MYPN: variants seen among roughly 807,000 people sequenced by gnomAD.
MYPN encodes myopalladin.
A neutral mutation model predicts 129.4 loss-of-function variants in MYPN; 63 were observed. The ratio of observed to expected loss-of-function variants is 0.49; its 90% CI spans 0.40 to 0.60. The LOEUF is 0.60. Ranked by LOEUF, MYPN falls within the 20% of genes least tolerant of loss-of-function variation. The pLI is 0.00. For missense variants in MYPN, 1,596 were observed against 1,635.4 expected (o/e 0.98, Z 0.42); for synonymous variants, 629 against 600.9 (o/e 1.05, Z -0.68).
intron 12 of MYPN, among the ~76,000 whole-genome samples, chr10:68,179,627 C>T (rs1351659278): frequency 6.6e-6 from 1 of 152,164 alleles, no homozygotes; most frequent in Non-Finnish European, 1.5e-5. Context: ...ACTATGGTAA[C>T]AATCCAACTT....
chr10:68,124,008 A>G (rs1007605881), intron 2 of MYPN, among the ~76,000 whole-genome samples: 2 of 152,224 alleles, frequency 1.3e-5, no homozygotes, highest in Non-Finnish European at 2.9e-5. Flanking sequence ...CATGAAAGCT[A>G]TGACTGATGG....
In MYPN at chr10:68,165,458, C is replaced by CA. The variant is rs58020575; in HGVS notation, c.1484-237dup. On this transcript the variant is annotated intron_variant, in intron 8 of 19. Coordinates refer to ENST00000358913, the MANE Select transcript of MYPN (RefSeq NM_032578.4). ...CAGAGCGAGACTCCACCTAAAAAAACAAAAAAATCCCCTTGTCAGTACTTG... is the reference window on the plus strand; with the variant it reads ...CAGAGCGAGACTCCACCTAAAAAAACAAAAAAAATCCCCTTGTCAGTACTTG... 8.8e-4 allele frequency: 499 copies of CA among 566,992 alleles called. 4 individuals are homozygous for CA. The highest frequency in any genetic ancestry group is 8.4e-3 in the African/African-American group (451 of 53,754). The allele number at this position is 566,992 out of a possible 1,614,324, so 35.1% of individuals were successfully genotyped here.
chr10:68,185,554 C>A (rs754550392), intron 12 of MYPN, among the ~76,000 whole-genome samples: 3 of 152,052 alleles, frequency 2.0e-5, no homozygotes, highest in Non-Finnish European at 2.9e-5. Context: ...CACCAATGAT[C>A]ACAGAGCCTG....
Position 68,122,331 on chromosome 10 carries a change from C to CTCA in MYPN, c.894_896dup (p.Pro298_Gln299insHis). 6.2e-7 allele frequency: 1 copy of CTCA among 1,613,314 alleles called. No individual in the cohort carries two copies. Among genetic ancestry groups the CTCA allele is most frequent in the Non-Finnish European group, 8.5e-7 (1 of 1,179,964 alleles). On this transcript the variant is annotated inframe_insertion, in exon 2 of 20. Coordinates refer to ENST00000358913, the MANE Select transcript of MYPN (RefSeq NM_032578.4). ...TGCATAGTGGTAGGAATTCCACCAC[C>CTCA]TCAAGTAAGGTAAAAATGTCCCATT... is the stretch of plus-strand genomic sequence containing the variant.
At chr10:68,173,848 T>TTTTG (rs1554846698) in intron 10 of MYPN, among the ~76,000 whole-genome samples, 1 of 135,316 alleles carries the variant, frequency 7.4e-6, no homozygotes, top group Non-Finnish European at 1.6e-5. Flanking sequence ...TTTTTTTTTG[T>TTTTG]TAGAGACGGG....
chr10:68,095,127 T>C (rs1265656020), intron 1 of MYPN, among the ~76,000 whole-genome samples: 2 of 152,048 alleles, frequency 1.3e-5, no homozygotes, highest in East Asian at 1.9e-4. Flanking sequence ...ATGGATTGCT[T>C]GAGCTCAGGA....
intron 14 of MYPN, 86 bp from the exon 15 acceptor site, chr10:68,195,364 C>A: frequency 8.2e-7 from 1 of 1,219,034 alleles, no homozygotes; most frequent in Non-Finnish European, 1.2e-6. Context: ...CAAAATTTCA[C>A]GGTGTTCTGG....
In MYPN at chr10:68,091,651, C is replaced by A. The variant is rs1048559665; in HGVS notation, c.-2+3659C>A. On this transcript the variant is annotated intron_variant, in intron 1 of 6. Coordinates refer to the MYPN transcript ENST00000685154. ...CTCAAGTGATCTGCCCCCACTTAGCCTCCCAAAGTGCTGGGATTATAGGCA... is the reference window on the plus strand; with the variant it reads ...CTCAAGTGATCTGCCCCCACTTAGCATCCCAAAGTGCTGGGATTATAGGCA... Among the ~76,000 whole-genome samples, 28 of 151,774 alleles carry A rather than the reference C, an allele frequency of 1.8e-4. 1 individual carries two copies. Among genetic ancestry groups the A allele is most frequent in the African/African-American group, 6.3e-4 (26 of 41,290 alleles).
At position 68,121,773 on chromosome 10, in the gene MYPN, G is replaced by GT; in HGVS notation, c.339dup (p.Glu114Ter). 1 of 1,614,184 alleles carries GT rather than the reference G, an allele frequency of 6.2e-7. No homozygotes were observed. The highest frequency in any genetic ancestry group is 1.1e-5 in the South Asian group (1 of 91,086). On this transcript the variant is annotated frameshift_variant, in exon 2 of 20. Coordinates refer to ENST00000358913, the MANE Select transcript of MYPN (RefSeq NM_032578.4). LOFTEE classifies it high-confidence loss of function. ...CAGATGAAACACTCACCTAATTTAA[G>GT]TTTTGAGCCTAACTTCTGCCAGGAT... is the stretch of plus-strand genomic sequence containing the variant.
chr10:68,113,736 C>T (rs1042531383), intron 1 of MYPN, among the ~76,000 whole-genome samples: 5 of 150,106 alleles, frequency 3.3e-5, no homozygotes, highest in South Asian at 4.2e-4. Context: ...ATAATAAATT[C>T]GTTTTTTTCA....
intron 19 of MYPN, among the ~76,000 whole-genome samples, chr10:68,208,430 G>A (rs1260338028): frequency 6.6e-6 from 1 of 152,162 alleles, no homozygotes; most frequent in Non-Finnish European, 1.5e-5. Context: ...AGATTAAACT[G>A]TGAAGGAAGC....
rs1389921120 is a variant in MYPN at position 68,122,154 on chromosome 10, A to C, written c.716A>C (p.Glu239Ala). ...CAGGAAGCCAAGAGGCGTGAAGCGG[A>C]GCAGGCTGCCAGTGAGGCGGCTGGT... is the stretch of plus-strand genomic sequence containing the variant. ...EQQEAKRREA[E>A]QAASEAAGGD... Residue 239 changes from glutamate to alanine, a missense_variant, in exon 2 of 20, where the codon GAG becomes GCG. Physicochemically the swap from Glu to Ala is moderately radical, Grantham distance 107. Transcript: ENST00000358913. 1.2e-6 allele frequency: 2 copies of C among 1,612,422 alleles called. No individual in the cohort carries two copies. The highest frequency in any genetic ancestry group is 1.1e-5 in the South Asian group (1 of 90,958).
chr10:68,140,688 T>G (rs76451279), intron 2 of MYPN, among the ~76,000 whole-genome samples: 15,010 of 152,174 alleles, frequency 0.099, 893 homozygotes, highest in Admixed American at 0.16. Context: ...CTTGAATGTG[T>G]GGAGGTGACC....
At chr10:68,115,724 T>C (rs1294282527) in intron 1 of MYPN, among the ~76,000 whole-genome samples, 1 of 152,250 alleles carries the variant, frequency 6.6e-6, no homozygotes, top group Admixed American at 6.5e-5. Flanking sequence ...TTAATAAAAT[T>C]TGAAGTCCTT....
chr10:68,092,372 G>T (rs1053977871), intron 1 of MYPN, among the ~76,000 whole-genome samples: 1 of 151,964 alleles, frequency 6.6e-6, no homozygotes, highest in Non-Finnish European at 1.5e-5. Flanking sequence ...GCAGGCGCCT[G>T]TTATCCCAGC....
chr10:68,089,013 G>T (rs375267779), intron 1 of MYPN, among the ~76,000 whole-genome samples: 1 of 152,044 alleles, frequency 6.6e-6, no homozygotes, highest in African/African-American at 2.4e-5. Flanking sequence ...CACACAATGC[G>T]TAGTCTTTTG....
chr10:68,180,679 G>T (rs1022106555), intron 12 of MYPN, among the ~76,000 whole-genome samples: 4 of 152,198 alleles, frequency 2.6e-5, no homozygotes, highest in African/African-American at 9.7e-5. Context: ...CTGAAGTCCA[G>T]GCTCAGGACC....
chr10:68,174,226 G>T lies in MYPN; in HGVS notation c.2134G>T (p.Ala712Ser). The T allele has an allele frequency of 2.5e-6, 4 of 1,613,968 alleles. No individual in the cohort carries two copies. Among genetic ancestry groups the T allele is most frequent in the South Asian group, 1.1e-5 (1 of 91,068 alleles). ...AVTTSSKQVK[A>S]PSSQTFSLAR... ...GACAACATCCAGTAAGCAGGTGAAG[G>T]CTCCTTCATCACAGACGTTCAGCTT... The change falls in exon 11 of 20, where the codon GCT (alanine) becomes TCT (serine). Residue 712 changes from alanine (A) to serine (S), a missense_variant. Physicochemically the swap from Ala to Ser is moderately conservative, Grantham distance 99 (BLOSUM62 1). Transcript: ENST00000358913.
chr10:68,111,049 A>G (rs2042074403), intron 1 of MYPN, among the ~76,000 whole-genome samples: 1 of 152,204 alleles, frequency 6.6e-6, no homozygotes, highest in African/African-American at 2.4e-5. Flanking sequence ...TCTTCCATAT[A>G]TCTACAATTT....
Sources: gnomAD v4.1 joint callset for allele counts (sites outside exome capture counted in the v4.1 genomes callset) on GRCh38, gnomAD v4.1.1 for gene constraint, MANE v1.5 for transcripts, NCBI Gene and HGNC (gene_info 2026-07-23, HGNC 2026-07-21) for gene names.